P2RY8: variants seen among roughly 807,000 people sequenced by gnomAD.
The protein encoded by P2RY8 is S-geranylgeranyl-glutathione receptor P2RY8.
Under a neutral mutation model 10.0 loss-of-function variants are expected in P2RY8, and 6 were observed. The observed-to-expected ratio is 0.60, with a 90% CI of 0.33 to 1.19. P2RY8 has a LOEUF of 1.19. Among genes scored for constraint, P2RY8 ranks in the 50% most tolerant of loss-of-function variants. The probability of loss-of-function intolerance (pLI) is 0.04; values close to 1 mark genes in which losing one functional copy is unlikely to be tolerated. For synonymous variants in P2RY8, 276 were observed against 252.5 expected (o/e 1.09, Z -0.88); for missense variants, 456 against 542.0 (o/e 0.84, Z 1.58).
At chrX:1,519,994 A>G (rs1445542691) in intron 1 of P2RY8, among the ~76,000 whole-genome samples, 1 of 139,232 alleles carries the variant, frequency 7.2e-6, no homozygotes, top group Non-Finnish European at 1.5e-5. Context: ...TCCAATTATC[A>G]CCTTGGTCCC....
chrX:1,531,755 A>G (rs1158064557), intron 1 of P2RY8, among the ~76,000 whole-genome samples: 1 of 152,174 alleles, frequency 6.6e-6, no homozygotes, highest in Non-Finnish European at 1.5e-5. Flanking sequence ...ACTCTGCACA[A>G]AAGCATCAAC....
chrX:1,513,374 G>T (rs1431824048), intron 1 of P2RY8, among the ~76,000 whole-genome samples: 1 of 152,072 alleles, frequency 6.6e-6, no homozygotes, highest in Non-Finnish European at 1.5e-5. Context: ...ATTTGGGTGG[G>T]GATATAGTCA....
intron 1 of P2RY8, among the ~76,000 whole-genome samples, chrX:1,506,953 G>C (rs2092239758): frequency 1.0e-5 from 1 of 97,836 alleles, no homozygotes; most frequent in Non-Finnish European, 2.3e-5. Flanking sequence ...TGGGATGACA[G>C]GCGTGAGCCA....
chrX:1,473,608 A>G (rs867633269), intron 1 of P2RY8, among the ~76,000 whole-genome samples: 30 of 147,100 alleles, frequency 2.0e-4, no homozygotes, highest in African/African-American at 7.4e-4. Flanking sequence ...GGATTGATGG[A>G]TCAGTGTTTA....
chrX:1,530,522 G>T (rs1275590990), intron 1 of P2RY8, among the ~76,000 whole-genome samples: 2 of 142,796 alleles, frequency 1.4e-5, no homozygotes, highest in Non-Finnish European at 3.2e-5. Flanking sequence ...TCTAATTTAT[G>T]TACGTACATA....
At chrX:1,506,682 CTT>C (rs765827943) in intron 1 of P2RY8, among the ~76,000 whole-genome samples, 50 of 145,068 alleles carry the variant, frequency 3.4e-4, no homozygotes, top group East Asian at 6.1e-4. Flanking sequence ...TTCTTTCTTT[CTT>C]TTTTTTTTTT....
chrX:1,509,274 C>A (rs1416221864), intron 1 of P2RY8, among the ~76,000 whole-genome samples: 1 of 150,874 alleles, frequency 6.6e-6, no homozygotes, highest in African/African-American at 2.4e-5. Context: ...ATCTATCTAT[C>A]TATCCATCAT....
rs772589995 is a variant in P2RY8, at chrX:1,463,126, C to G, written c.*2353G>C. 3 of 233,026 alleles carry G rather than the reference C, an allele frequency of 1.3e-5. No individual in the cohort carries two copies. The highest frequency in any genetic ancestry group is 6.6e-5 in the African/African-American group (3 of 45,302). The allele number at this position is 233,026 out of a possible 1,614,324, so 14.4% of individuals were successfully genotyped here. ...TTTGTTTACAAGGCAGTTTAGGGAT[C>G]GTCCGTGCGTTACTGTGAAGATGCT... On this transcript the variant is annotated 3_prime_UTR_variant, in exon 2 of 2. Transcript: ENST00000381297.
Position 1,534,784 on chromosome X carries a change from T to A in P2RY8, c.-25+2137A>T, listed in dbSNP as rs750184490. On this transcript the variant is annotated intron_variant, in intron 1 of 1. Transcript: ENST00000381297. ...TATGCACCACTGGCAACAGCTACCC[T>A]GCTGTTGTTAATCCTAAGCCATCGC... Among the ~76,000 whole-genome samples, 7 of 152,246 alleles carry A rather than the reference T, an allele frequency of 4.6e-5. No homozygotes were observed. In the South Asian group the frequency reaches 1.2e-3, roughly 27 times the overall value.
At chrX:1,535,734 C>G (rs1603458849) in intron 1 of P2RY8, among the ~76,000 whole-genome samples, 3 of 151,520 alleles carry the variant, frequency 2.0e-5, no homozygotes, top group Admixed American at 2.0e-4. Flanking sequence ...CACAGACACA[C>G]ACACACACAC....
intron 1 of P2RY8, among the ~76,000 whole-genome samples, chrX:1,486,878 C>T (rs1188203234): frequency 6.6e-6 from 1 of 152,242 alleles, no homozygotes; most frequent in East Asian, 1.9e-4. Flanking sequence ...CAGTGCTCCC[C>T]CGCTTGTTGC....
At chrX:1,502,510 C>T (rs1475436060) in intron 1 of P2RY8, among the ~76,000 whole-genome samples, 1 of 152,144 alleles carries the variant, frequency 6.6e-6, no homozygotes, top group East Asian at 1.9e-4. Context: ...AGCCCCTGTG[C>T]TGGCTGCCAC....
chrX:1,474,924 G>A (rs1603455750), intron 1 of P2RY8, among the ~76,000 whole-genome samples: 1 of 146,090 alleles, frequency 6.8e-6, no homozygotes, highest in Non-Finnish European at 1.5e-5. Context: ...GTGGGTGGAT[G>A]GATGAATCAG....
chrX:1,520,198 T>C (rs1423937930), intron 1 of P2RY8, among the ~76,000 whole-genome samples: 2 of 151,742 alleles, frequency 1.3e-5, no homozygotes, highest in Non-Finnish European at 2.9e-5. Context: ...TGGTCCCTAA[T>C]AATCTGTCTG....
Position 1,465,201 on chromosome X carries a change from A to T in P2RY8, c.*278T>A, listed in dbSNP as rs1348705585. 1 of 515,258 alleles carries T rather than the reference A, an allele frequency of 1.9e-6. No individual in the cohort carries two copies. The highest frequency in any genetic ancestry group is 5.1e-4 in the Middle Eastern group (1 of 1,978). 31.9% of individuals were successfully genotyped at this position (515,258 alleles called of 1,614,324 possible). A position where few individuals can be genotyped will look rare whatever the true frequency, so the allele number is the denominator to read the frequency against. ...GTGGTGACACAAGCTGTCCCCTGACACAGAGAGGCAGAGGCACCCTCTGCA... is the reference window on the plus strand; with the variant it reads ...GTGGTGACACAAGCTGTCCCCTGACTCAGAGAGGCAGAGGCACCCTCTGCA... On this transcript the variant is annotated 3_prime_UTR_variant, in exon 2 of 2. Transcript: ENST00000381297.
At chrX:1,497,990 AAC>A (rs2092133839) in intron 1 of P2RY8, among the ~76,000 whole-genome samples, 1 of 152,132 alleles carries the variant, frequency 6.6e-6, no homozygotes, top group Admixed American at 6.6e-5. Context: ...GGTGCCAGCC[AAC>A]AGACACGGAG....
intron 1 of P2RY8, among the ~76,000 whole-genome samples, chrX:1,488,660 C>T (rs1245319749): frequency 2.6e-5 from 4 of 152,058 alleles, no homozygotes; most frequent in African/African-American, 9.7e-5. Flanking sequence ...CACCAGGTAC[C>T]TGCTGCAAAC....
chrX:1,524,725 CCATCCATACATCCATG>C (rs1569538721), intron 1 of P2RY8, among the ~76,000 whole-genome samples: 3 of 95,770 alleles, frequency 3.1e-5, no homozygotes, highest in Non-Finnish European at 6.6e-5. Flanking sequence ...ATTCATCCAT[CCATCCATACATCCATG>C]CATCCATCCA....
At position 1,516,745 on chromosome X, in the gene P2RY8, G is replaced by A. The variant is rs749658234; in HGVS notation, c.-25+20176C>T. On this transcript the variant is annotated intron_variant, in intron 1 of 1. Coordinates refer to ENST00000381297, the MANE Select transcript of P2RY8 (RefSeq NM_178129.5). ...TGTGATAGCAGCCTGAAATGGACGA[G>A]AACATCTCATAAGAAGAGGAGATGA... is the stretch of plus-strand genomic sequence containing the variant. Among the ~76,000 whole-genome samples, 343 of 136,158 alleles carry A rather than the reference G, an allele frequency of 2.5e-3. 1 individual carries two copies. The highest frequency in any genetic ancestry group is 8.7e-3 in the African/African-American group (312 of 35,978). 89.3% of individuals were successfully genotyped at this position (136,158 alleles called of 152,430 possible).
Sources: allele counts gnomAD v4.1 joint callset (sites outside exome capture counted in the v4.1 genomes callset), GRCh38; gene constraint gnomAD v4.1.1; transcripts MANE v1.5; gene names NCBI Gene and HGNC (gene_info 2026-07-23, HGNC 2026-07-21).